Variants in LRP2 observed in about 807,000 individuals in gnomAD.
LRP2 encodes low-density lipoprotein receptor-related protein 2.
LRP2 carries 172 observed loss-of-function variants against 531.0 expected under a neutral mutation model. That is an observed-to-expected ratio of 0.32 (90% confidence interval 0.29 to 0.37). The LOEUF (loss-of-function observed/expected upper bound fraction) is 0.37. Ranked by LOEUF, LRP2 falls within the 10% of genes least tolerant of loss-of-function variation. LRP2 has a pLI of 1.00. For missense variants in LRP2, 5,167 were observed against 5,868.3 expected, an observed-to-expected ratio of 0.88 and a Z score of 3.90; for synonymous variants, 1,992 against 2,027.6, an observed-to-expected ratio of 0.98 and a Z score of 0.47.
chr2:169,348,700 T>C (rs1192293106), intron 1 of LRP2, among the ~76,000 whole-genome samples: 2 of 152,188 alleles, frequency 1.3e-5, no homozygotes, highest in Non-Finnish European at 2.9e-5. Context: ...ATTCTGTATG[T>C]ACAGGGGAAT....
chr2:169,158,771 AC>A (rs1224144341), intron 63 of LRP2, among the ~76,000 whole-genome samples: 2 of 151,774 alleles, frequency 1.3e-5, no homozygotes, highest in African/African-American at 4.8e-5. Context: ...AGTACACCAA[AC>A]TTTAAAGGTT....
intron 1 of LRP2, among the ~76,000 whole-genome samples, chr2:169,332,689 A>T (rs938297452): frequency 9.2e-5 from 14 of 152,150 alleles, no homozygotes; most frequent in African/African-American, 3.4e-4. Flanking sequence ...AAATGTGTAA[A>T]TTTTCAGAAA....
intron 33 of LRP2, among the ~76,000 whole-genome samples, chr2:169,222,098 G>A (rs1369250166): frequency 2.0e-5 from 3 of 152,138 alleles, no homozygotes; most frequent in Non-Finnish European, 1.5e-5. Context: ...AAGTGAATAC[G>A]ATTCCTATTT....
In LRP2 at chr2:169,202,869, C is replaced by G. The variant is rs867912144; in HGVS notation, c.8096G>C (p.Arg2699Pro). The change falls in exon 43 of 79, where the codon CGA becomes CCA. Residue 2699 changes from arginine (R) to proline (P), a missense_variant. Physicochemically the swap from Arg to Pro is moderately radical, Grantham distance 103. Coordinates refer to ENST00000649046, the MANE Select transcript of LRP2 (RefSeq NM_004525.3). ...RKHCIVDNGE[R>P]CGASSFTCSN... is the part of the protein sequence containing the mutation. ...GCAGGTGAAGGAAGATGCACCACAT[C>G]GTTCACCATTGTCCACAATGCAGTG... The G allele has an allele frequency of 1.2e-6, 2 of 1,614,202 alleles. No individual in the cohort carries two copies. Among genetic ancestry groups the G allele is most frequent in the Non-Finnish European group, 1.7e-6 (2 of 1,180,018 alleles).
chr2:169,245,108 G>A (rs192586968), intron 21 of LRP2, among the ~76,000 whole-genome samples, 176 bp from the exon 22 acceptor site: 1 of 152,148 alleles, frequency 6.6e-6, no homozygotes, highest in Admixed American at 6.5e-5. Flanking sequence ...GCATTTATTT[G>A]GTATTTATCA....
intron 33 of LRP2, among the ~76,000 whole-genome samples, chr2:169,223,891 T>C (rs987341124): frequency 1.3e-5 from 2 of 152,208 alleles, no homozygotes; most frequent in Non-Finnish European, 2.9e-5. Flanking sequence ...AGGATTAAAT[T>C]AGATGCTAGT....
intron 57 of LRP2, among the ~76,000 whole-genome samples, chr2:169,172,586 C>T (rs546587661): frequency 2.0e-5 from 3 of 152,242 alleles, no homozygotes; most frequent in South Asian, 2.1e-4. Flanking sequence ...TGACAAATTC[C>T]ATTAATTTAT....
intron 4 of LRP2, among the ~76,000 whole-genome samples, chr2:169,298,185 A>T (rs1350922270): frequency 1.4e-5 from 2 of 140,788 alleles, no homozygotes; most frequent in East Asian, 4.0e-4. Context: ...CCACAAAGTT[A>T]AACAAGCAAT....
intron 34 of LRP2, among the ~76,000 whole-genome samples, chr2:169,219,713 G>T (rs1042542037): frequency 6.6e-6 from 1 of 152,024 alleles, no homozygotes; most frequent in Non-Finnish European, 1.5e-5. Context: ...GGAGGGCATG[G>T]GTTGAAAAAC....
chr2:169,184,430 T>G (rs1179172594), intron 50 of LRP2, among the ~76,000 whole-genome samples: 1 of 152,152 alleles, frequency 6.6e-6, no homozygotes, highest in Non-Finnish European at 1.5e-5. Flanking sequence ...GGGAGTCAAA[T>G]ATAAGGATGT....
At chr2:169,247,839 A>G (rs1690071914) in intron 19 of LRP2, among the ~76,000 whole-genome samples, 1 of 152,216 alleles carries the variant, frequency 6.6e-6, no homozygotes, top group Admixed American at 6.5e-5. Context: ...ACAGAGCATT[A>G]AATGAGGCCT....
chr2:169,318,324 C>G (rs1356617308), intron 3 of LRP2, among the ~76,000 whole-genome samples: 2 of 151,880 alleles, frequency 1.3e-5, no homozygotes, highest in Admixed American at 1.3e-4. Flanking sequence ...CACCAAGAAG[C>G]CCTCCAACAA....
intron 1 of LRP2, among the ~76,000 whole-genome samples, chr2:169,355,851 A>G (rs867516403): frequency 1.4e-4 from 21 of 152,158 alleles, no homozygotes; most frequent in African/African-American, 4.1e-4. Context: ...AAAAAAATCA[A>G]TCTCAAATGG....
intron 19 of LRP2, among the ~76,000 whole-genome samples, chr2:169,251,842 T>G (rs1690184400): frequency 1.3e-5 from 1 of 79,034 alleles, no homozygotes; most frequent in Admixed American, 1.6e-4. Flanking sequence ...CAAACTACCA[T>G]CAGAGAATAC....
At chr2:169,154,950 G>C (rs1338073371) in intron 65 of LRP2, among the ~76,000 whole-genome samples, 1 of 152,146 alleles carries the variant, frequency 6.6e-6, no homozygotes, top group African/African-American at 2.4e-5. Context: ...AAACAGACTA[G>C]ACTGCAGACA....
chr2:169,352,097 A>G (rs563377264), intron 1 of LRP2, among the ~76,000 whole-genome samples: 35 of 152,326 alleles, frequency 2.3e-4, no homozygotes, highest in Middle Eastern at 3.4e-3. Flanking sequence ...TCTAGAAGCC[A>G]GTGGGCTGTG....
intron 60 of LRP2, 38 bp from the exon 61 acceptor site, chr2:169,168,714 C>T (rs1273924125): frequency 8.1e-6 from 13 of 1,611,062 alleles, no homozygotes; most frequent in African/African-American, 1.3e-5. Context: ...AATTATTATA[C>T]AAATTGACTA....
chr2:169,257,601 C>T (rs148073653), intron 17 of LRP2, among the ~76,000 whole-genome samples: 137 of 152,006 alleles, frequency 9.0e-4, no homozygotes, highest in African/African-American at 3.1e-3. Flanking sequence ...TAATAAACAA[C>T]GAACAGAGCA....
chr2:169,273,272 A>G (rs563842365), intron 14 of LRP2, among the ~76,000 whole-genome samples: 12 of 151,728 alleles, frequency 7.9e-5, no homozygotes, highest in Non-Finnish European at 1.5e-4. Context: ...TCTCCCATCC[A>G]CTCTCCAACA....
Sources: gnomAD v4.1 joint callset for allele counts (sites outside exome capture counted in the v4.1 genomes callset) on GRCh38, gnomAD v4.1.1 for gene constraint, MANE v1.5 for transcripts, NCBI Gene and HGNC (gene_info 2026-07-23, HGNC 2026-07-21) for gene names.